Variants in DPP10 observed in about 807,000 individuals in gnomAD.
The protein encoded by DPP10 is inactive dipeptidyl peptidase 10.
A neutral mutation model predicts 120.9 loss-of-function variants in DPP10; 33 were observed. The ratio of observed to expected loss-of-function variants is 0.27; its 90% CI spans 0.21 to 0.37. The LOEUF is 0.37. DPP10 is among the 10% of genes least tolerant of loss of function. The pLI is 1.00. For missense variants in DPP10, 816 were observed against 942.8 expected (o/e 0.87, Z 1.76); for synonymous variants, 337 against 326.1 (o/e 1.03, Z -0.36).
intron 7 of DPP10, among the ~76,000 whole-genome samples, chr2:115,697,909 G>C (rs1230372597): frequency 6.6e-6 from 1 of 152,170 alleles, no homozygotes; most frequent in Non-Finnish European, 1.5e-5. Flanking sequence ...ATGAACCCGG[G>C]AGGCAGAGCT....
At chr2:114,703,590 G>T (rs999982087) in intron 1 of DPP10, among the ~76,000 whole-genome samples, 1 of 152,138 alleles carries the variant, frequency 6.6e-6, no homozygotes, top group African/African-American at 2.4e-5. Flanking sequence ...TTCAGCATGT[G>T]TGATTTTAAT....
intron 1 of DPP10, among the ~76,000 whole-genome samples, chr2:114,900,161 C>T (rs528372863): frequency 3.9e-4 from 59 of 152,238 alleles, no homozygotes; most frequent in African/African-American, 1.4e-3. Context: ...TCAATAACAA[C>T]GTACACTTAA....
chr2:115,634,846 G>A (rs1464748283), intron 5 of DPP10, among the ~76,000 whole-genome samples: 3 of 152,144 alleles, frequency 2.0e-5, no homozygotes, highest in East Asian at 1.9e-4. Context: ...CGAAGACTGC[G>A]GCCACCCCTC....
intron 5 of DPP10, among the ~76,000 whole-genome samples, chr2:115,538,531 C>T (rs978181713): frequency 1.1e-4 from 17 of 151,692 alleles, no homozygotes; most frequent in Non-Finnish European, 4.4e-5. Context: ...TTACAGATAA[C>T]CTAGGGGTGG....
At chr2:114,720,570 T>C (rs1453275701) in intron 1 of DPP10, among the ~76,000 whole-genome samples, 3 of 152,188 alleles carry the variant, frequency 2.0e-5, no homozygotes, top group African/African-American at 7.2e-5. Flanking sequence ...AAATGCTCAA[T>C]TTGTCTTCTA....
chr2:115,528,915 G>C (rs2078293442), intron 5 of DPP10, among the ~76,000 whole-genome samples: 1 of 152,038 alleles, frequency 6.6e-6, no homozygotes, highest in Admixed American at 6.6e-5. Flanking sequence ...TCTTTGTGGA[G>C]ATAGAAATGC....
intron 1 of DPP10, among the ~76,000 whole-genome samples, chr2:115,205,060 T>TAGTTTCTTTTTCTATGC (rs2056025836): frequency 6.6e-6 from 1 of 152,168 alleles, no homozygotes; most frequent in Non-Finnish European, 1.5e-5. Context: ...ACTTTGTATA[T>TAGTTTCTTTTTCTATGC]AGTTTCTTTT....
intron 1 of DPP10, among the ~76,000 whole-genome samples, chr2:115,107,074 CAA>C (rs1356741088): frequency 1.4e-4 from 11 of 81,236 alleles, no homozygotes; most frequent in Middle Eastern, 7.4e-3. Flanking sequence ...GGCTCTGTCT[CAA>C]AAAAAAAAAA....
intron 1 of DPP10, among the ~76,000 whole-genome samples, chr2:114,769,384 A>T (rs553723222): frequency 4.6e-5 from 7 of 152,164 alleles, no homozygotes; most frequent in Non-Finnish European, 1.0e-4. Context: ...AGCCTCCGCA[A>T]GCTAGTGGTG....
At chr2:114,738,141 A>C (rs1176363826) in intron 1 of DPP10, among the ~76,000 whole-genome samples, 1 of 152,164 alleles carries the variant, frequency 6.6e-6, no homozygotes, top group African/African-American at 2.4e-5. Context: ...TATCACAAGA[A>C]CAGCAAAAAG....
chr2:115,411,327 G>A (rs531295484), intron 3 of DPP10, among the ~76,000 whole-genome samples: 21 of 151,470 alleles, frequency 1.4e-4, no homozygotes, highest in South Asian at 8.3e-4. Context: ...GTGAGACTCC[G>A]TCTCAAAAAA....
chr2:114,500,582 G>A (rs552186730), intron 1 of DPP10, among the ~76,000 whole-genome samples: 11 of 152,250 alleles, frequency 7.2e-5, no homozygotes, highest in African/African-American at 2.6e-4. Flanking sequence ...ACCAAGACCT[G>A]TCTATCATGC....
chr2:115,137,368 A>G (rs1300824793), intron 1 of DPP10, among the ~76,000 whole-genome samples: 1 of 152,202 alleles, frequency 6.6e-6, no homozygotes, highest in African/African-American at 2.4e-5. Flanking sequence ...CAGAACAGCA[A>G]TGGGTGTAAC....
At chr2:115,470,227 G>A (rs998386535) in intron 3 of DPP10, among the ~76,000 whole-genome samples, 5 of 152,072 alleles carry the variant, frequency 3.3e-5, no homozygotes, top group Admixed American at 3.3e-4. Context: ...ACAGGTTGTG[G>A]GCATTGCTTA....
intron 3 of DPP10, among the ~76,000 whole-genome samples, chr2:115,461,840 G>T (rs998592441): frequency 1.3e-5 from 2 of 151,996 alleles, no homozygotes; most frequent in African/African-American, 4.8e-5. Flanking sequence ...TCTGATTGTG[G>T]AATAATTACT....
chr2:115,146,329 G>C (rs558289883), intron 1 of DPP10, among the ~76,000 whole-genome samples: 25 of 152,056 alleles, frequency 1.6e-4, no homozygotes, highest in Non-Finnish European at 2.9e-5. Flanking sequence ...TCAAGATTAA[G>C]AGCCATTATA....
intron 8 of DPP10, among the ~76,000 whole-genome samples, chr2:115,728,400 TA>T: frequency 6.6e-6 from 1 of 152,032 alleles, no homozygotes; most frequent in East Asian, 1.9e-4. Flanking sequence ...AAAACCCACA[TA>T]AAGAGTTATT....
At chr2:115,280,335 T>A (rs2060107154) in intron 1 of DPP10, among the ~76,000 whole-genome samples, 1 of 152,154 alleles carries the variant, frequency 6.6e-6, no homozygotes, top group African/African-American at 2.4e-5. Context: ...AAAATGAATA[T>A]ATTGGAAGCC....
At chr2:115,150,408 G>C (rs1388448798) in intron 1 of DPP10, among the ~76,000 whole-genome samples, 3 of 152,116 alleles carry the variant, frequency 2.0e-5, no homozygotes, top group Non-Finnish European at 4.4e-5. Flanking sequence ...AAGCCTTGGC[G>C]ATTAGAGAGT....
Sources: allele counts gnomAD v4.1 joint callset (sites outside exome capture counted in the v4.1 genomes callset), GRCh38; gene constraint gnomAD v4.1.1; transcripts MANE v1.5; gene names NCBI Gene and HGNC (gene_info 2026-07-23, HGNC 2026-07-21).